INF2: variants seen among roughly 807,000 people sequenced by gnomAD.
The protein encoded by INF2 is inverted formin-2.
INF2 carries 43 observed loss-of-function variants against 123.5 expected under a neutral mutation model. The observed-to-expected ratio is 0.35, with a 90% CI of 0.27 to 0.45. INF2 has a LOEUF of 0.45. Ranked by LOEUF, INF2 falls within the 20% of genes least tolerant of loss-of-function variation. The pLI, the probability that INF2 is intolerant of heterozygous loss-of-function variation, is 1.00. For synonymous variants in INF2, 851 were observed against 745.0 expected (o/e 1.14, Z -2.32); for missense variants, 1,453 against 1,682.7 (o/e 0.86, Z 2.39).
rs867422877 is a variant in INF2, at chr14:104,707,335, C to T, written c.1068C>T (p.Ala356=). ...CCAGACCGAGCCCCCTGGTCAAGGC[C>T]CATAAAAGCGTCCAGGCCAACCTAG... The part of the protein sequence containing the change: ...GRPRPSPLVK[A]HKSVQANLDQ... Residue 356 remains alanine, a synonymous_variant, in exon 8 of 23, where the codon GCC becomes GCT. Coordinates refer to ENST00000392634, the MANE Select transcript of INF2 (RefSeq NM_022489.4). 6.2e-7 allele frequency: 1 copy of T among 1,602,036 alleles called. No individual in the cohort carries two copies. Among genetic ancestry groups the T allele is most frequent in the Admixed American group, 1.7e-5 (1 of 58,520 alleles).
chr14:104,713,485 C>G lies in INF2; in HGVS notation c.2919C>G (p.Ile973Met), dbSNP rs1223668856. 6.2e-7 allele frequency: 1 copy of G among 1,611,400 alleles called. No homozygotes were observed. Among genetic ancestry groups the G allele is most frequent in the Non-Finnish European group, 8.5e-7 (1 of 1,179,402 alleles). The part of the protein sequence containing the change: ...GPGKQEEVCV[I>M]DALLADIRKG... ...GGAAGCAGGAGGAGGTGTGTGTCAT[C>G]GATGCCCTGCTGGCTGACATCAGGA... The change falls in exon 20 of 23, where the codon ATC becomes ATG. Residue 973 changes from isoleucine to methionine, a missense_variant. Coordinates refer to ENST00000392634, the MANE Select transcript of INF2 (RefSeq NM_022489.4).
intron 6 of INF2, among the ~76,000 whole-genome samples, chr14:104,706,549 G>T (rs892367299): frequency 6.6e-6 from 1 of 152,178 alleles, no homozygotes; most frequent in Non-Finnish European, 1.5e-5. Flanking sequence ...GGGCTAAGAG[G>T]CTGAATTCTC....
upstream of INF2, among the ~76,000 whole-genome samples, chr14:104,688,625 C>T (rs1160153066): frequency 6.6e-6 from 1 of 152,234 alleles, no homozygotes; most frequent in Admixed American, 6.5e-5. Context: ...GAGTCATATC[C>T]GAGCCTGAGG....
At chr14:104,697,219 GAGCTCCCACACTGTGCTGT>G (rs1257373891) in intron 1 of INF2, among the ~76,000 whole-genome samples, 1 of 152,222 alleles carries the variant, frequency 6.6e-6, no homozygotes, top group African/African-American at 2.4e-5. Context: ...GAGGGCATAG[GAGCTCCCACACTGTGCTGT>G]GGAAGGCCCT....
At chr14:104,710,043 A>C in intron 12 of INF2, 45 bp from the exon 13 acceptor site, 4 of 1,450,630 alleles carry the variant, frequency 2.8e-6, no homozygotes, top group Non-Finnish European at 3.8e-6. Context: ...TGGCAGGGAC[A>C]GGTGGGGGGT....
Position 104,706,110 on chromosome 14 carries a change from G to A in INF2, c.777G>A (p.Leu259=), listed in dbSNP as rs1256052779. The change falls in exon 6 of 23, where the codon CTG becomes CTA. Residue 259 remains leucine (L), a synonymous_variant. Coordinates refer to ENST00000392634, the MANE Select transcript of INF2 (RefSeq NM_022489.4). ...CTAAGGCCGAGGACGAGGAGGAGCT[G>A]CTGCGAGTCTCTGGCGGGGTCGACA... ...EEAKAEDEEE[L]LRVSGGVDMS... The A allele has an allele frequency of 1.9e-6, 3 of 1,612,074 alleles. No homozygotes were observed. The highest frequency in any genetic ancestry group is 2.5e-6 in the Non-Finnish European group (3 of 1,179,574).
At chr14:104,687,955 C>T (rs1443179417), upstream of INF2, among the ~76,000 whole-genome samples, 2 of 152,238 alleles carry the variant, frequency 1.3e-5, no homozygotes, top group Non-Finnish European at 2.9e-5. This position sits in a 1 kb window ranked among gnomAD's most constrained non-coding sequence, Gnocchi z 5.6. Flanking sequence ...GAGTCAGCCC[C>T]GCCCGTGCCC....
At chr14:104,689,558 C>T (rs1192637356), upstream of INF2, 7 of 893,702 alleles carry the variant, frequency 7.8e-6, no homozygotes, top group Non-Finnish European at 9.3e-6. Flanking sequence ...CCCCACGTGG[C>T]CGCTGACGGG....
chr14:104,708,624 G>A, intron 9 of INF2, 37 bp downstream of exon 9: 1 of 1,612,714 alleles, frequency 6.2e-7, no homozygotes, highest in Non-Finnish European at 8.5e-7. Flanking sequence ...GGGGCCGCCT[G>A]CCTGGCCACC....
Position 104,704,161 on chromosome 14 carries a change from G to A in INF2, c.701+212G>A, listed in dbSNP as rs1316831021. 6 of 1,442,186 alleles carry A rather than the reference G, an allele frequency of 4.2e-6. No individual in the cohort carries two copies. In the South Asian group the frequency reaches 5.8e-5, roughly 14 times the overall value. The allele number at this position is 1,442,186 out of a possible 1,614,324, so 89.3% of individuals were successfully genotyped here. On this transcript the variant is annotated intron_variant, in intron 5 of 22. Coordinates refer to ENST00000392634, the MANE Select transcript of INF2 (RefSeq NM_022489.4). ...CCTGGCAGCTGCCCACAGAAACTAG[G>A]GTTGCAGCAGCCATAGAAAGGACAG... is the stretch of plus-strand genomic sequence containing the variant.
In INF2 at chr14:104,707,549, C is replaced by A. The variant is rs1373355462; in HGVS notation, c.1282C>A (p.Pro428Thr). 8.6e-7 allele frequency: 1 copy of A among 1,168,504 alleles called. No homozygotes were observed. Among genetic ancestry groups the A allele is most frequent in the Non-Finnish European group, 1.1e-6 (1 of 876,662 alleles). 72.4% of individuals were successfully genotyped at this position (1,168,504 alleles called of 1,614,324 possible). The change falls in exon 8 of 23, where the codon CCC (proline) becomes ACC (threonine). Residue 428 changes from proline (P) to threonine (T), a missense_variant. This residue lies in a region of INF2 where 374 missense variants were observed against 303.7 expected (regional missense o/e 1.23). Coordinates refer to ENST00000392634, the MANE Select transcript of INF2 (RefSeq NM_022489.4). ...CACCCCACCCCCACCCCCACCCCCA[C>A]CCCTGCTCCCTGGTTCCAGTGCCGA... ...ASTPPPPPPP[P>T]LLPGSSAEPP... is the part of the protein sequence containing the mutation.
chr14:104,703,430 A>G lies in INF2; in HGVS notation c.643A>G (p.Thr215Ala). Residue 215 changes from threonine (T) to alanine (A), a missense_variant, in exon 4 of 23, where the codon ACC becomes GCC. Coordinates refer to ENST00000392634, the MANE Select transcript of INF2 (RefSeq NM_022489.4). ...ILGPEDLRAR[T>A]QLRNEFIGLQ... ...GGGCCCCGAGGACCTGCGCGCGCGC[A>G]CCCAGCTGCGGAACGAGTTTATCGG... 1 of 1,612,672 alleles carries G rather than the reference A, an allele frequency of 6.2e-7. No individual in the cohort carries two copies. Among genetic ancestry groups the G allele is most frequent in the South Asian group, 1.1e-5 (1 of 91,080 alleles).
At chr14:104,688,123 A>T (rs1305152745), upstream of INF2, among the ~76,000 whole-genome samples, 1 of 152,268 alleles carries the variant, frequency 6.6e-6, no homozygotes, top group Non-Finnish European at 1.5e-5. Context: ...TTCCAGGTGC[A>T]TTCCAAGAAT....
intron 20 of INF2, 112 bp downstream of exon 20, chr14:104,713,718 C>A: frequency 1.7e-6 from 2 of 1,194,458 alleles, no homozygotes; most frequent in South Asian, 3.0e-5. Context: ...CCCTGGGCCA[C>A]CCTGGAGGCC....
chr14:104,701,128 G>A (rs182157123), intron 1 of INF2, among the ~76,000 whole-genome samples: 2 of 152,170 alleles, frequency 1.3e-5, no homozygotes, highest in Admixed American at 1.3e-4. Flanking sequence ...CGCGCAGTAG[G>A]GCCCTTCCTG....
Position 104,707,506 on chromosome 14 carries a change from C to G in INF2, c.1239C>G (p.Ala413=). 1 of 1,547,930 alleles carries G rather than the reference C, an allele frequency of 6.5e-7. No individual in the cohort carries two copies. The highest frequency in any genetic ancestry group is 1.2e-5 in the South Asian group (1 of 84,038). Residue 413 remains alanine (A), a synonymous_variant, in exon 8 of 23, where the codon GCC becomes GCG. Coordinates refer to ENST00000392634, the MANE Select transcript of INF2 (RefSeq NM_022489.4). ...ESILKVSQPR[A]LEQQASTPPP... ...TCCTGAAAGTTTCGCAGCCCAGAGC[C>G]CTGGAGCAGCAGGCGTCCACCCCAC...
chr14:104,685,092 G>A (rs892618298), upstream of INF2, among the ~76,000 whole-genome samples: 5 of 152,256 alleles, frequency 3.3e-5, no homozygotes, highest in South Asian at 2.1e-4. Flanking sequence ...ACATTTTAGC[G>A]AGTAGGCAAA....
chr14:104,706,412 C>T (rs936611430), intron 6 of INF2, among the ~76,000 whole-genome samples: 9 of 152,184 alleles, frequency 5.9e-5, no homozygotes, highest in African/African-American at 2.2e-4. Context: ...GGGGCAAAGC[C>T]AGGGCCACAG....
chr14:104,681,164 C>T, exon 1 of INF2: 1 of 279,836 alleles, frequency 3.6e-6, no homozygotes, highest in East Asian at 9.1e-5. Flanking sequence ...TGTGAAGGAT[C>T]CACAGACTGG....
Sources: gnomAD v4.1 joint callset for allele counts (sites outside exome capture counted in the v4.1 genomes callset) on GRCh38, gnomAD v4.1.1 for gene constraint, gnomAD v4.1.1 regional missense constraint, Gnocchi (gnomAD v3.1) non-coding constraint, MANE v1.5 for transcripts, NCBI Gene and HGNC (gene_info 2026-07-23, HGNC 2026-07-21) for gene names.